XRRA1: variants seen among roughly 807,000 people sequenced by gnomAD.
XRRA1 encodes the protein X-ray radiation resistance associated 1, also known as X-ray radiation resistance-associated protein 1.
XRRA1 carries 69 observed loss-of-function variants against 80.2 expected under a neutral mutation model. The ratio of observed to expected loss-of-function variants is 0.86; its 90% CI spans 0.71 to 1.05. The LOEUF (loss-of-function observed/expected upper bound fraction) is 1.05, where lower values mean the gene tolerates loss of function less well. Ranked by LOEUF, XRRA1 falls within the 50% of genes least tolerant of loss-of-function variation. The pLI is 0.00. For synonymous variants in XRRA1, 348 were observed against 389.9 expected (o/e 0.89, Z 1.27); for missense variants, 967 against 976.4 (o/e 0.99, Z 0.13).
chr11:74,892,505 C>A (rs1326656559), intron 10 of XRRA1, among the ~76,000 whole-genome samples: 1 of 152,126 alleles, frequency 6.6e-6, no homozygotes, highest in Admixed American at 6.5e-5. Context: ...GCAAGGACTT[C>A]ATGTCTAAAA....
intron 2 of XRRA1, among the ~76,000 whole-genome samples, chr11:74,942,732 G>A (rs1278204886): frequency 1.3e-5 from 2 of 152,256 alleles, no homozygotes; most frequent in African/African-American, 2.4e-5. Context: ...AATGTAGACA[G>A]TAAGTGCACC....
intron 10 of XRRA1, among the ~76,000 whole-genome samples, chr11:74,903,977 TAAG>T (rs879381588): frequency 2.0e-5 from 3 of 152,012 alleles, no homozygotes; most frequent in African/African-American, 4.8e-5. Flanking sequence ...AATAAGAGGG[TAAG>T]AAGAACTTTG....
intron 8 of XRRA1, among the ~76,000 whole-genome samples, chr11:74,911,029 T>C (rs2055761998): frequency 1.3e-5 from 2 of 152,012 alleles, no homozygotes; most frequent in African/African-American, 4.8e-5. Context: ...GTTTGATAAG[T>C]AGGCTAAACA....
intron 10 of XRRA1, among the ~76,000 whole-genome samples, chr11:74,875,300 C>T (rs56808449): frequency 2.0e-5 from 3 of 152,264 alleles, no homozygotes; most frequent in African/African-American, 7.2e-5. Context: ...CTGAAGCCCC[C>T]TCTAATCTGG....
intron 7 of XRRA1, among the ~76,000 whole-genome samples, chr11:74,925,948 C>T (rs1942112034): frequency 6.6e-6 from 1 of 152,178 alleles, no homozygotes; most frequent in East Asian, 1.9e-4. Flanking sequence ...GGACATGGCT[C>T]CCTGTATCTC....
chr11:74,887,873 G>T (rs1407998530), intron 10 of XRRA1, among the ~76,000 whole-genome samples: 1 of 152,140 alleles, frequency 6.6e-6, no homozygotes, highest in Non-Finnish European at 1.5e-5. Flanking sequence ...TGAGTCTGGG[G>T]GAGGGGCACC....
intron 10 of XRRA1, among the ~76,000 whole-genome samples, chr11:74,888,830 G>A (rs1344712233): frequency 6.6e-6 from 1 of 152,160 alleles, no homozygotes; most frequent in Non-Finnish European, 1.5e-5. Flanking sequence ...TCAAATGAAT[G>A]AAATGAAGCG....
chr11:74,842,108 T>G lies in XRRA1; in HGVS notation c.*1092A>C, dbSNP rs1435635220. The stretch of plus-strand genomic sequence containing the variant: ...TTCCCCTCCTGCCTAGAAAATAGGT[T>G]GTGTATTGGTTTTATTCAACCTGCT... On this transcript the variant is annotated 3_prime_UTR_variant, in exon 19 of 19. Transcript: ENST00000684022. 3 of 152,190 alleles carry G rather than the reference T, an allele frequency of 2.0e-5. No homozygotes were observed. Among genetic ancestry groups the G allele is most frequent in the Non-Finnish European group, 2.9e-5 (2 of 68,030 alleles). 9.4% of individuals were successfully genotyped at this position (152,190 alleles called of 1,614,324 possible).
chr11:74,915,506 T>G (rs1367264338), intron 8 of XRRA1, among the ~76,000 whole-genome samples: 1 of 152,176 alleles, frequency 6.6e-6, no homozygotes, highest in Non-Finnish European at 1.5e-5. Context: ...CCTTGCTGAG[T>G]ACTCAACCTG....
At chr11:74,916,931 G>A (rs962897945) in intron 8 of XRRA1, among the ~76,000 whole-genome samples, 5 of 152,140 alleles carry the variant, frequency 3.3e-5, no homozygotes, top group South Asian at 2.1e-4. Flanking sequence ...TATATGTGGT[G>A]ACATTCTAAT....
intron 10 of XRRA1, among the ~76,000 whole-genome samples, chr11:74,865,885 C>A (rs1199644643): frequency 6.6e-6 from 1 of 152,236 alleles, no homozygotes; most frequent in African/African-American, 2.4e-5. Context: ...CAGAAAGCCA[C>A]ACCAATCTCA....
chr11:74,917,106 G>A (rs1292956464), intron 8 of XRRA1, among the ~76,000 whole-genome samples: 1 of 152,162 alleles, frequency 6.6e-6, no homozygotes, highest in Non-Finnish European at 1.5e-5. Flanking sequence ...GGGTGTGTGT[G>A]CAACAATGGT....
At chr11:74,860,017 G>A (rs950309964) in intron 11 of XRRA1, among the ~76,000 whole-genome samples, 4 of 152,128 alleles carry the variant, frequency 2.6e-5, no homozygotes, top group African/African-American at 7.2e-5. Flanking sequence ...GATATTATAA[G>A]GGTAGATGCT....
intron 18 of XRRA1, 147 bp from the exon 19 acceptor site, chr11:74,843,600 G>A: frequency 8.8e-7 from 1 of 1,133,684 alleles, no homozygotes; most frequent in Non-Finnish European, 1.2e-6. Context: ...TTCCAGCTTG[G>A]GAAGTCACTG....
Position 74,906,597 on chromosome 11 carries a change from T to C in XRRA1, c.786-141A>G, listed in dbSNP as rs532354804. ...GTGACGTTGAGCCGGTGACTTACTC[T>C]CTCTGGGATTCAATATCCCTGTCTC... On this transcript the variant is annotated intron_variant, in intron 9 of 18. Transcript: ENST00000684022. The C allele has an allele frequency of 2.5e-5, 22 of 887,226 alleles. No homozygotes were observed. The African/African-American group carries it at 3.7e-4, about 15-fold the overall frequency. The allele number at this position is 887,226 out of a possible 1,614,324, so 55.0% of individuals were successfully genotyped here.
At chr11:74,941,414 T>C (rs952702922) in intron 2 of XRRA1, among the ~76,000 whole-genome samples, 5 of 152,116 alleles carry the variant, frequency 3.3e-5, no homozygotes, top group African/African-American at 7.2e-5. Context: ...ATTTGAGGGA[T>C]TGAGTTTTCT....
At position 74,843,323 on chromosome 11, in the gene XRRA1, G is replaced by C. The variant is rs186896347; in HGVS notation, c.2280C>G (p.Phe760Leu). ...QLVSGSLRTV[F>L]GTTPLPMACP... ...AGGCCATGGGGAGCGGGGTAGTCCC[G>C]AACACTGTGCGCAGAGAGCCACTCA... The change falls in exon 19 of 19, where the codon TTC (phenylalanine) becomes TTG (leucine). Residue 760 changes from phenylalanine to leucine, a missense_variant. Coordinates refer to ENST00000684022, the MANE Select transcript of XRRA1 (RefSeq NM_001378157.1). 2 of 1,606,992 alleles carry C rather than the reference G, an allele frequency of 1.2e-6. No homozygotes were observed. Among genetic ancestry groups the C allele is most frequent in the East Asian group, 2.2e-5 (1 of 44,500 alleles).
At position 74,930,389 on chromosome 11, in the gene XRRA1, C is replaced by G. The variant is rs746917165; in HGVS notation, c.352-17G>C. On this transcript the variant is annotated splice_polypyrimidine_tract_variant and intron_variant, in intron 5 of 18. Coordinates refer to ENST00000684022, the MANE Select transcript of XRRA1 (RefSeq NM_001378157.1). Reference sequence around the variant, plus strand: ...TTCCTTGGCCTGTAGGAAAGCATTTCAGAAAAAAAAAAAAATCCACAAGAT... The same window carrying G: ...TTCCTTGGCCTGTAGGAAAGCATTTGAGAAAAAAAAAAAAATCCACAAGAT... 1 of 1,488,100 alleles carries G rather than the reference C, an allele frequency of 6.7e-7. No homozygotes were observed. The highest frequency in any genetic ancestry group is 2.5e-5 in the East Asian group (1 of 40,342). 92.2% of individuals were successfully genotyped at this position (1,488,100 alleles called of 1,614,324 possible). A position where few individuals can be genotyped will look rare whatever the true frequency, so the allele number is the denominator to read the frequency against.
chr11:74,888,172 C>CA (rs2049566843), intron 10 of XRRA1, among the ~76,000 whole-genome samples: 1 of 152,180 alleles, frequency 6.6e-6, no homozygotes, highest in African/African-American at 2.4e-5. Context: ...AGGCACCCCC[C>CA]AGTAGGGGCA....
Sources: gnomAD v4.1 joint callset for allele counts (sites outside exome capture counted in the v4.1 genomes callset) on GRCh38, gnomAD v4.1.1 for gene constraint, MANE v1.5 for transcripts, NCBI Gene and HGNC (gene_info 2026-07-23, HGNC 2026-07-21) for gene names.